Variants in NAV2 observed in about 807,000 individuals in gnomAD.
NAV2 encodes neuron navigator 2.
NAV2 carries 54 observed loss-of-function variants against 223.2 expected under a neutral mutation model. The ratio of observed to expected loss-of-function variants is 0.24; its 90% CI spans 0.19 to 0.30. NAV2 has a LOEUF of 0.30. NAV2 is among the 10% of genes least tolerant of loss of function. The pLI, the probability that NAV2 is intolerant of heterozygous loss-of-function variation, is 1.00. For synonymous variants in NAV2, 1,279 were observed against 1,239.3 expected (o/e 1.03, Z -0.67); for missense variants, 2,806 against 3,147.5 (o/e 0.89, Z 2.60).
At chr11:19,886,280 C>T (rs911738786) in intron 5 of NAV2, among the ~76,000 whole-genome samples, 6 of 152,110 alleles carry the variant, frequency 3.9e-5, no homozygotes, top group African/African-American at 1.4e-4. Flanking sequence ...GCTGCCGAAC[C>T]TAGAGTTTGG....
At chr11:20,060,505 G>A (rs1171158549) in intron 19 of NAV2, among the ~76,000 whole-genome samples, 3 of 152,226 alleles carry the variant, frequency 2.0e-5, no homozygotes, top group African/African-American at 4.8e-5. Context: ...AAGAAAGCAC[G>A]GAGGAAAAGA....
upstream of NAV2, among the ~76,000 whole-genome samples, chr11:19,347,282 T>C (rs1201751631): frequency 6.6e-6 from 1 of 152,204 alleles, no homozygotes; most frequent in Non-Finnish European, 1.5e-5. Context: ...TAACAGGGAA[T>C]GAAGTTTTAC....
intron 20 of NAV2, 29 bp downstream of exon 20, chr11:20,062,388 T>A: frequency 6.4e-7 from 1 of 1,569,252 alleles, no homozygotes. Context: ...TGTGTGGCTG[T>A]GATCATGAGA....
intron 1 of NAV2, among the ~76,000 whole-genome samples, chr11:19,458,691 A>G (rs1233114166): frequency 6.6e-6 from 1 of 152,230 alleles, no homozygotes; most frequent in Non-Finnish European, 1.5e-5. Flanking sequence ...ATTTGAACCC[A>G]AAAAGCCTTA....
intron 22 of NAV2, among the ~76,000 whole-genome samples, chr11:20,076,002 A>G (rs946716989): frequency 6.6e-5 from 10 of 151,988 alleles, no homozygotes; most frequent in African/African-American, 2.4e-4. Context: ...TCACTTTCTC[A>G]TTCCCAAACC....
At chr11:19,733,891 T>G (rs373559811) in intron 1 of NAV2, among the ~76,000 whole-genome samples, 5 of 152,154 alleles carry the variant, frequency 3.3e-5, no homozygotes, top group Non-Finnish European at 5.9e-5. Flanking sequence ...ATGGTTAACG[T>G]GTATTGAATG....
At chr11:19,993,398 C>T (rs1027062586) in intron 11 of NAV2, among the ~76,000 whole-genome samples, 16 of 152,190 alleles carry the variant, frequency 1.1e-4, no homozygotes, top group African/African-American at 3.4e-4. Flanking sequence ...AAATGACCCA[C>T]GTAACTTTTC....
chr11:19,936,026 A>ATTTTT (rs11315576), intron 7 of NAV2, among the ~76,000 whole-genome samples: 2 of 139,450 alleles, frequency 1.4e-5, no homozygotes, highest in African/African-American at 5.3e-5. Context: ...TGCCTGGCTA[A>ATTTTT]TTTTTTTTTT....
intron 34 of NAV2, 171 bp from the exon 35 acceptor site, chr11:20,105,360 A>C: frequency 1.8e-6 from 1 of 545,542 alleles, no homozygotes; most frequent in Non-Finnish European, 3.2e-6. Flanking sequence ...GGTATCAGGA[A>C]CTGTGAGTTA....
At chr11:19,984,046 A>C in intron 10 of NAV2, 79 bp from the exon 11 acceptor site, 1 of 1,594,140 alleles carries the variant, frequency 6.3e-7, no homozygotes, top group South Asian at 1.1e-5. Context: ...GCGGCTGTAC[A>C]GGCTTCTGGA....
At chr11:19,926,186 A>T (rs1399877353) in intron 6 of NAV2, among the ~76,000 whole-genome samples, 1 of 152,228 alleles carries the variant, frequency 6.6e-6, no homozygotes, top group Non-Finnish European at 1.5e-5. Flanking sequence ...ATTATAAAAA[A>T]ACCATTTTAT....
chr11:19,464,164 C>T (rs896270561), intron 1 of NAV2, among the ~76,000 whole-genome samples: 2 of 152,140 alleles, frequency 1.3e-5, no homozygotes, highest in African/African-American at 2.4e-5. Flanking sequence ...CCAGAGCACC[C>T]GTTTCCATCA....
At chr11:19,586,654 T>C (rs1293274246) in intron 1 of NAV2, among the ~76,000 whole-genome samples, 1 of 152,240 alleles carries the variant, frequency 6.6e-6, no homozygotes, top group Non-Finnish European at 1.5e-5. Context: ...CTCCAGACCC[T>C]GTTTGCCTGG....
intron 1 of NAV2, among the ~76,000 whole-genome samples, chr11:19,789,681 T>C (rs142547761): frequency 6.6e-6 from 1 of 152,182 alleles, no homozygotes; most frequent in African/African-American, 2.4e-5. Context: ...TCATATCCTG[T>C]GAGAATTTAT....
At chr11:20,108,618 T>TG (rs1180343318) in intron 36 of NAV2, among the ~76,000 whole-genome samples, 1 of 150,880 alleles carries the variant, frequency 6.6e-6, no homozygotes, top group African/African-American at 2.4e-5. Flanking sequence ...TTTTTTTTTT[T>TG]TTTTTTGGAT....
chr11:19,539,942 C>T (rs973178510), intron 1 of NAV2, among the ~76,000 whole-genome samples: 2 of 152,198 alleles, frequency 1.3e-5, no homozygotes, highest in Admixed American at 6.5e-5. Flanking sequence ...CAAGCTTGGG[C>T]TCTGTTTCTG....
At chr11:20,005,254 T>TATA (rs1491300791) in intron 11 of NAV2, among the ~76,000 whole-genome samples, 2,944 of 22,642 alleles carry the variant, frequency 0.13, 87 homozygotes, top group African/African-American at 0.22. Flanking sequence ...TATATATATA[T>TATA]TTTTTTTTTT....
chr11:20,092,083 G>C (rs2060890918), intron 27 of NAV2, 123 bp from the exon 28 acceptor site: 2 of 846,446 alleles, frequency 2.4e-6, no homozygotes, highest in Non-Finnish European at 3.9e-6. Flanking sequence ...CTCTGAGGGT[G>C]TTGTTCGCCT....
intron 2 of NAV2, among the ~76,000 whole-genome samples, chr11:19,837,370 T>C (rs771307407): frequency 3.9e-5 from 6 of 152,206 alleles, no homozygotes; most frequent in African/African-American, 9.7e-5. Context: ...CAACGGATGC[T>C]GAAATCTAGA....
Sources: allele counts gnomAD v4.1 joint callset (sites outside exome capture counted in the v4.1 genomes callset), GRCh38; gene constraint gnomAD v4.1.1; transcripts MANE v1.5; gene names NCBI Gene and HGNC (gene_info 2026-07-23, HGNC 2026-07-21).